FBXL2: variants seen among roughly 807,000 people sequenced by gnomAD.
FBXL2 encodes the protein F-box/LRR-repeat protein 2.
A neutral mutation model predicts 69.2 loss-of-function variants in FBXL2; 38 were observed. The observed-to-expected ratio is 0.55, with a 90% CI of 0.42 to 0.72. The LOEUF is 0.72. Among genes scored for constraint, FBXL2 ranks in the 30% least tolerant of loss-of-function variants. FBXL2 has a pLI of 0.00. For missense variants in FBXL2, 354 were observed against 520.3 expected (o/e 0.68, Z 3.11); for synonymous variants, 192 against 201.3 (o/e 0.95, Z 0.39).
intron 1 of FBXL2, among the ~76,000 whole-genome samples, chr3:33,292,380 A>G (rs1352366795): frequency 1.3e-5 from 2 of 152,178 alleles, no homozygotes; most frequent in Non-Finnish European, 1.5e-5. Flanking sequence ...CTCTGTCTCA[A>G]ACAAACAAAC....
chr3:33,394,293 A>G (rs919794509), intron 12 of FBXL2, among the ~76,000 whole-genome samples: 16 of 151,822 alleles, frequency 1.1e-4, no homozygotes, highest in Middle Eastern at 3.4e-3. Flanking sequence ...CAGTCTGCCC[A>G]GTTAGGCCTC....
At chr3:33,413,471 C>T in the FBXL2 span, among the ~76,000 whole-genome samples, 10 of 144,386 alleles carry the variant, frequency 6.9e-5, no homozygotes, top group South Asian at 4.6e-4. Flanking sequence ...GGTGTGAACC[C>T]GGGAGGCAGA....
the FBXL2 span, among the ~76,000 whole-genome samples, chr3:33,418,011 T>TAAAAAACA: frequency 6.6e-6 from 1 of 152,276 alleles, no homozygotes; most frequent in Middle Eastern, 3.4e-3. Context: ...AAAAAACACC[T>TAAAAAACA]GTATGGGAAG....
chr3:33,400,143 A>C (rs2044166662), intron 12 of FBXL2: 2 of 1,281,988 alleles, frequency 1.6e-6, no homozygotes. Flanking sequence ...CACAGAAACA[A>C]AAACAAAACA....
At chr3:33,395,330 C>CTT (rs397940588) in intron 12 of FBXL2, among the ~76,000 whole-genome samples, 3 of 147,558 alleles carry the variant, frequency 2.0e-5, no homozygotes, top group Non-Finnish European at 4.5e-5. Context: ...ATTAACACAT[C>CTT]TTTTTTTTTT....
downstream of FBXL2, among the ~76,000 whole-genome samples, chr3:33,407,661 G>A (rs553125555): frequency 9.0e-4 from 137 of 151,778 alleles, no homozygotes; most frequent in Non-Finnish European, 1.1e-3. Context: ...ATTTTTATTC[G>A]ATACTATAAT....
At chr3:33,361,270 A>G (rs1333114827) in intron 4 of FBXL2, among the ~76,000 whole-genome samples, 1 of 151,976 alleles carries the variant, frequency 6.6e-6, no homozygotes, top group Admixed American at 6.6e-5. Flanking sequence ...GTGGGAGGCC[A>G]TGGCGGGCAG....
Position 33,387,176 on chromosome 3 carries a change from T to C in FBXL2, c.*1568T>C, listed in dbSNP as rs2043499870. The C allele has an allele frequency of 6.6e-6, 1 of 152,126 alleles. No individual in the cohort carries two copies. Among genetic ancestry groups the C allele is most frequent in the African/African-American group, 2.4e-5 (1 of 41,360 alleles). The allele number at this position is 152,126 out of a possible 1,614,324, so 9.4% of individuals were successfully genotyped here. A position where few individuals can be genotyped will look rare whatever the true frequency, so the allele number is the denominator to read the frequency against. ...GGATACCATAGCAGTTAGTTAAATA[T>C]ACATTTATACCCACTGTTTGTTGTG... On this transcript the variant is annotated 3_prime_UTR_variant, in exon 15 of 15. Transcript: ENST00000484457.
At chr3:33,330,868 A>G (rs868166063) in intron 2 of FBXL2, among the ~76,000 whole-genome samples, 6 of 151,818 alleles carry the variant, frequency 4.0e-5, no homozygotes, top group African/African-American at 1.5e-4. Flanking sequence ...CAGCCTGGGC[A>G]ACAGAACGAG....
chr3:33,375,460 C>T, intron 10 of FBXL2, 42 bp downstream of exon 10: 2 of 1,597,350 alleles, frequency 1.3e-6, no homozygotes, highest in Non-Finnish European at 1.7e-6. Flanking sequence ...CAGAGTTTGG[C>T]TGAGTTAACC....
At chr3:33,311,809 A>G (rs1193431697) in intron 2 of FBXL2, among the ~76,000 whole-genome samples, 1 of 152,024 alleles carries the variant, frequency 6.6e-6, no homozygotes, top group Non-Finnish European at 1.5e-5. Flanking sequence ...GTATTTTAGT[A>G]GAGACGGGGT....
chr3:33,413,429 A>G, the FBXL2 span, among the ~76,000 whole-genome samples: 2 of 151,336 alleles, frequency 1.3e-5, no homozygotes, highest in Non-Finnish European at 2.9e-5. Context: ...CGCCTGTAGT[A>G]CCAGCTACTT....
At chr3:33,335,724 A>C (rs541320082) in intron 2 of FBXL2, among the ~76,000 whole-genome samples, 1 of 152,326 alleles carries the variant, frequency 6.6e-6, no homozygotes, top group South Asian at 2.1e-4. Context: ...ACAAAGGAAC[A>C]AAAAGTAGAT....
chr3:33,347,266 C>T (rs2040514284), intron 2 of FBXL2, among the ~76,000 whole-genome samples: 1 of 152,098 alleles, frequency 6.6e-6, no homozygotes, highest in African/African-American at 2.4e-5. Context: ...CATAATGACC[C>T]CCAGTTCCAT....
intron 2 of FBXL2, among the ~76,000 whole-genome samples, chr3:33,356,249 G>A (rs1362178608): frequency 6.6e-6 from 1 of 152,150 alleles, no homozygotes; most frequent in Non-Finnish European, 1.5e-5. Flanking sequence ...AGGAAACTGA[G>A]GCAAAATTAA....
chr3:33,408,110 C>A (rs936068968), downstream of FBXL2, among the ~76,000 whole-genome samples: 2 of 152,042 alleles, frequency 1.3e-5, no homozygotes, highest in Non-Finnish European at 2.9e-5. Flanking sequence ...ACATGAATCC[C>A]ATCAGAGTTT....
intron 5 of FBXL2, 93 bp downstream of exon 5, chr3:33,364,812 A>C: frequency 9.0e-7 from 1 of 1,116,690 alleles, no homozygotes; most frequent in Non-Finnish European, 1.4e-6. Context: ...TTCTTCTGTT[A>C]AAATTCTTTC....
At chr3:33,370,613 T>C (rs1208922165) in intron 5 of FBXL2, among the ~76,000 whole-genome samples, 2 of 151,346 alleles carry the variant, frequency 1.3e-5, no homozygotes, top group East Asian at 3.9e-4. Flanking sequence ...TATCACTGGT[T>C]TCTCTCTCTC....
intron 13 of FBXL2, among the ~76,000 whole-genome samples, chr3:33,381,513 G>A (rs1024668531): frequency 7.2e-5 from 11 of 151,996 alleles, no homozygotes; most frequent in African/African-American, 2.4e-4. Context: ...GCGTGGTGGC[G>A]CATGCATGAC....
Sources: gnomAD v4.1 joint callset for allele counts (sites outside exome capture counted in the v4.1 genomes callset) on GRCh38, gnomAD v4.1.1 for gene constraint, MANE v1.5 for transcripts, NCBI Gene and HGNC (gene_info 2026-07-23, HGNC 2026-07-21) for gene names.